LUZP2: variants seen among roughly 807,000 people sequenced by gnomAD.
The protein encoded by LUZP2 is leucine zipper protein 2.
A neutral mutation model predicts 51.6 loss-of-function variants in LUZP2; 52 were observed. That is an observed-to-expected ratio of 1.01 (90% CI 0.81 to 1.27). The LOEUF (loss-of-function observed/expected upper bound fraction) is 1.27. Ranked by LOEUF, LUZP2 falls within the 50% of genes most tolerant of loss-of-function variation. The pLI is 0.00. For synonymous variants in LUZP2, 154 were observed against 137.3 expected (o/e 1.12, Z -0.85); for missense variants, 436 against 395.4 (o/e 1.10, Z -0.87).
intron 1 of LUZP2, among the ~76,000 whole-genome samples, chr11:24,585,108 A>G (rs921457807): frequency 6.6e-6 from 1 of 152,136 alleles, no homozygotes; most frequent in Non-Finnish European, 1.5e-5. Context: ...GAACACTTAG[A>G]TGTTCTCTCT....
intron 1 of LUZP2, among the ~76,000 whole-genome samples, chr11:24,509,917 A>G (rs1310325442): frequency 3.3e-5 from 5 of 152,330 alleles, no homozygotes. Flanking sequence ...ACATTAAGTG[A>G]ATTCTCAAAG....
intron 1 of LUZP2, among the ~76,000 whole-genome samples, chr11:24,616,108 C>A (rs1289305712): frequency 6.6e-6 from 1 of 151,256 alleles, no homozygotes; most frequent in African/African-American, 2.4e-5. Flanking sequence ...ATATTTTATA[C>A]CAGTATATAG....
intron 5 of LUZP2, among the ~76,000 whole-genome samples, chr11:24,851,655 C>G (rs1215813999): frequency 6.6e-6 from 1 of 152,108 alleles, no homozygotes; most frequent in East Asian, 1.9e-4. Context: ...AGTAGTCCTT[C>G]TTTTTCTATT....
chr11:24,829,377 A>G (rs1850632379), intron 5 of LUZP2, among the ~76,000 whole-genome samples: 1 of 152,248 alleles, frequency 6.6e-6, no homozygotes, highest in South Asian at 2.1e-4. Flanking sequence ...CACAGTGCAC[A>G]CACACAAAGA....
At chr11:24,755,160 A>G (rs1859729075) in intron 4 of LUZP2, among the ~76,000 whole-genome samples, 1 of 152,090 alleles carries the variant, frequency 6.6e-6, no homozygotes, top group African/African-American at 2.4e-5. Flanking sequence ...ACAGAAAAAA[A>G]AAACACACAC....
intron 6 of LUZP2, among the ~76,000 whole-genome samples, chr11:24,914,060 A>G (rs1565098747): frequency 6.6e-6 from 1 of 152,134 alleles, no homozygotes; most frequent in Admixed American, 6.6e-5. Flanking sequence ...TTTTACCTGG[A>G]CATATGTCAA....
At chr11:24,675,809 T>G (rs1366157342) in intron 1 of LUZP2, among the ~76,000 whole-genome samples, 1 of 130,846 alleles carries the variant, frequency 7.6e-6, no homozygotes, top group African/African-American at 2.7e-5. Context: ...ATTTATTTAT[T>G]TATTTATTTA....
At chr11:24,609,628 G>T (rs1357504327) in intron 1 of LUZP2, among the ~76,000 whole-genome samples, 2 of 143,900 alleles carry the variant, frequency 1.4e-5, no homozygotes, top group Admixed American at 7.6e-5. Flanking sequence ...TACTCGGAAG[G>T]CTGAGGCACA....
intron 4 of LUZP2, among the ~76,000 whole-genome samples, chr11:24,753,385 A>ATGGAAGCTT (rs1280005564): frequency 1.3e-5 from 2 of 152,138 alleles, no homozygotes; most frequent in African/African-American, 4.8e-5. Flanking sequence ...CTAGGTTTTT[A>ATGGAAGCTT]TGGAAGCTTC....
At chr11:24,714,869 GACT>G (rs1857977524) in intron 1 of LUZP2, among the ~76,000 whole-genome samples, 2 of 152,156 alleles carry the variant, frequency 1.3e-5, no homozygotes, top group Non-Finnish European at 2.9e-5. Context: ...CCACCAGAGA[GACT>G]GACACAGAAA....
intron 7 of LUZP2, among the ~76,000 whole-genome samples, chr11:24,931,244 TAAAATAAAATAAAATAAAATAAAATAAA>T (rs1412264608): frequency 6.7e-6 from 1 of 149,888 alleles, no homozygotes; most frequent in East Asian, 2.0e-4. Flanking sequence ...TAAAATAAAA[TAAAATAAAATAAAATAAAATAAAATAAA>T]AAGTTCTTTT....
rs891421841 is a variant in LUZP2, at chr11:24,784,024, C to G, written c.396+20716C>G. Among the ~76,000 whole-genome samples, 4 of 151,812 alleles carry G rather than the reference C, an allele frequency of 2.6e-5. 1 individual carries two copies. The highest frequency in any genetic ancestry group is 2.6e-4 in the Admixed American group (4 of 15,188). On this transcript the variant is annotated intron_variant, in intron 5 of 11. Transcript: ENST00000336930. ...AGTGCCATTTGTGCAGCTTCTAGGC[C>G]TTTCTTGCGTGGCTTCATTAAATAC...
At chr11:24,949,094 C>G (rs1287105300) in intron 7 of LUZP2, among the ~76,000 whole-genome samples, 2 of 151,550 alleles carry the variant, frequency 1.3e-5, no homozygotes, top group Non-Finnish European at 3.0e-5. Flanking sequence ...CATCTGAAAA[C>G]TAGGAGAGCC....
intron 8 of LUZP2, among the ~76,000 whole-genome samples, chr11:24,980,461 AT>A (rs1855996722): frequency 6.6e-6 from 1 of 151,654 alleles, no homozygotes; most frequent in Non-Finnish European, 1.5e-5. Context: ...AGATAAAATG[AT>A]AAATATTTCA....
At chr11:24,783,099 C>T (rs1048398322) in intron 5 of LUZP2, among the ~76,000 whole-genome samples, 1 of 151,996 alleles carries the variant, frequency 6.6e-6, no homozygotes, top group African/African-American at 2.4e-5. Flanking sequence ...AATGTGACAT[C>T]AACCACATAA....
chr11:24,605,825 C>T (rs10834403), intron 1 of LUZP2, among the ~76,000 whole-genome samples: 85,311 of 151,542 alleles, frequency 0.56, 26,457 homozygotes, highest in East Asian at 0.75. Flanking sequence ...TGTCTTATAA[C>T]TTCAATTGTG....
At chr11:25,074,134 C>T (rs1412715586) in intron 10 of LUZP2, among the ~76,000 whole-genome samples, 1 of 152,156 alleles carries the variant, frequency 6.6e-6, no homozygotes, top group African/African-American at 2.4e-5. Context: ...CAACAGTTCT[C>T]TGGAATTTTT....
intron 5 of LUZP2, among the ~76,000 whole-genome samples, chr11:24,830,524 G>A (rs1293687132): frequency 2.6e-5 from 4 of 152,122 alleles, no homozygotes; most frequent in Admixed American, 2.6e-4. Context: ...AGTATTTAAT[G>A]AATGGCAATA....
Position 24,609,385 on chromosome 11 carries a change from T to C in LUZP2, c.62+112080T>C, listed in dbSNP as rs541754482. ...AAGCAGCTGCTTTCATTTGAAATAG[T>C]GTAGGAGGAAGGCTACAACTGAGTG... On this transcript the variant is annotated intron_variant, in intron 1 of 11. Transcript: ENST00000336930. 1.4e-4 allele frequency among the ~76,000 whole-genome samples: 21 copies of C among 152,108 alleles called. No homozygotes were observed. In the East Asian group the frequency reaches 3.3e-3, roughly 24 times the overall value.
Sources: allele counts gnomAD v4.1 joint callset (sites outside exome capture counted in the v4.1 genomes callset), GRCh38; gene constraint gnomAD v4.1.1; transcripts MANE v1.5; gene names NCBI Gene and HGNC (gene_info 2026-07-23, HGNC 2026-07-21).